The following CCDC178 variants were observed in gnomAD, a reference collection of about 807,000 sequenced individuals.
CCDC178 encodes the protein coiled-coil domain-containing protein 178.
CCDC178 carries 126 observed loss-of-function variants against 117.4 expected under a neutral mutation model. That is an observed-to-expected ratio of 1.07 (90% CI 0.93 to 1.24). The LOEUF is 1.24. CCDC178 is among the 50% of genes most tolerant of loss of function. The probability of loss-of-function intolerance (pLI) is 0.00; values close to 1 mark genes in which losing one functional copy is unlikely to be tolerated. For synonymous variants in CCDC178, 283 were observed against 313.4 expected (o/e 0.90, Z 1.02); for missense variants, 1,030 against 986.9 (o/e 1.04, Z -0.59).
Position 33,215,566 on chromosome 18 carries a change from T to G in CCDC178, c.2062A>C (p.Thr688Pro). The change falls in exon 19 of 23, where the codon ACA becomes CCA. Residue 688 changes from threonine to proline, a missense_variant. Coordinates refer to ENST00000383096, the MANE Select transcript of CCDC178 (RefSeq NM_001105528.4). ...AGTACTTACTTTAATATTTCAAGTG[T>G]CTGATCAAAACTTTTCTTTTCTTCT... The part of the protein sequence containing the change: ...KEEEKKSFDQ[T>P]LEILKNKFIT... 1.4e-6 allele frequency: 2 copies of G among 1,429,820 alleles called. No homozygotes were observed. The highest frequency in any genetic ancestry group is 9.3e-7 in the Non-Finnish European group (1 of 1,071,406). 88.6% of individuals were successfully genotyped at this position (1,429,820 alleles called of 1,614,324 possible). A position where few individuals can be genotyped will look rare whatever the true frequency, so the allele number is the denominator to read the frequency against.
At chr18:32,980,757 T>C (rs1293478896) in intron 21 of CCDC178, among the ~76,000 whole-genome samples, 1 of 152,132 alleles carries the variant, frequency 6.6e-6, no homozygotes, top group East Asian at 1.9e-4. Context: ...TTCAAACTCA[T>C]CATATTGTCA....
rs2054992927 is a variant in CCDC178, at chr18:32,974,540, C to T, written c.2523+7G>A. On this transcript the variant is annotated splice_region_variant and intron_variant, in intron 22 of 22. Coordinates refer to ENST00000383096, the MANE Select transcript of CCDC178 (RefSeq NM_001105528.4). ...ATGATCTTTCCTACTTCCCTGCAATCACCTACCTGCACAGCTAATATTTTC... is the reference window on the plus strand; with the variant it reads ...ATGATCTTTCCTACTTCCCTGCAATTACCTACCTGCACAGCTAATATTTTC... 4.3e-6 allele frequency: 7 copies of T among 1,612,862 alleles called. No individual in the cohort carries two copies. The highest frequency in any genetic ancestry group is 5.9e-6 in the Non-Finnish European group (7 of 1,179,494).
At chr18:33,073,301 G>A (rs1408808560) in intron 21 of CCDC178, among the ~76,000 whole-genome samples, 1 of 151,654 alleles carries the variant, frequency 6.6e-6, no homozygotes, top group African/African-American at 2.4e-5. Flanking sequence ...ATACAAAGTG[G>A]GAATCATATA....
At chr18:33,035,763 T>C (rs552820481) in intron 21 of CCDC178, among the ~76,000 whole-genome samples, 2 of 152,116 alleles carry the variant, frequency 1.3e-5, no homozygotes, top group South Asian at 4.1e-4. Flanking sequence ...AGTATTAATA[T>C]ATCAAATCAT....
At chr18:33,150,558 C>T (rs2058329561) in intron 20 of CCDC178, among the ~76,000 whole-genome samples, 1 of 152,010 alleles carries the variant, frequency 6.6e-6, no homozygotes, top group African/African-American at 2.4e-5. Flanking sequence ...AAAAAGTGGT[C>T]AAAGGACATG....
chr18:33,062,868 A>G (rs1002828232), intron 21 of CCDC178, among the ~76,000 whole-genome samples: 2 of 148,328 alleles, frequency 1.3e-5, no homozygotes, highest in Admixed American at 1.3e-4. Context: ...CTAGATGCCG[A>G]AGTGTCACAA....
chr18:33,302,734 C>A (rs79505134), intron 11 of CCDC178, among the ~76,000 whole-genome samples: 52 of 152,214 alleles, frequency 3.4e-4, no homozygotes, highest in African/African-American at 1.2e-3. Context: ...GTGAATATTA[C>A]GTTAATGAAA....
At chr18:33,316,383 G>C (rs947695332) in intron 11 of CCDC178, among the ~76,000 whole-genome samples, 1 of 152,172 alleles carries the variant, frequency 6.6e-6, no homozygotes. Flanking sequence ...TGCTGCGCTC[G>C]ATTTCTCCCC....
chr18:33,120,853 A>G (rs140352481), intron 20 of CCDC178, among the ~76,000 whole-genome samples: 1 of 152,196 alleles, frequency 6.6e-6, no homozygotes, highest in African/African-American at 2.4e-5. Context: ...GATATTAAAC[A>G]AGAAGAATGA....
intron 21 of CCDC178, among the ~76,000 whole-genome samples, chr18:32,989,117 G>T (rs1348558802): frequency 6.6e-6 from 1 of 152,004 alleles, no homozygotes; most frequent in African/African-American, 2.4e-5. Context: ...TATTCTAGAA[G>T]TCAAGCAAAA....
chr18:33,004,442 A>C (rs921730619), intron 21 of CCDC178, among the ~76,000 whole-genome samples: 1 of 152,140 alleles, frequency 6.6e-6, no homozygotes, highest in African/African-American at 2.4e-5. Flanking sequence ...ATGCAGAAGA[A>C]TGAAACAAGA....
chr18:33,084,638 C>A (rs565305253), intron 21 of CCDC178, among the ~76,000 whole-genome samples: 1 of 151,580 alleles, frequency 6.6e-6, no homozygotes, highest in African/African-American at 2.4e-5. Flanking sequence ...TACTGAAACC[C>A]CGTCTCTATT....
At chr18:33,090,801 G>A (rs143058427) in intron 21 of CCDC178, among the ~76,000 whole-genome samples, 32 of 152,272 alleles carry the variant, frequency 2.1e-4, no homozygotes, top group East Asian at 1.9e-3. Flanking sequence ...AAAGTGATTC[G>A]TTTGAGGGAT....
intron 11 of CCDC178, among the ~76,000 whole-genome samples, chr18:33,305,279 T>G (rs2062233283): frequency 6.6e-6 from 1 of 152,074 alleles, no homozygotes; most frequent in African/African-American, 2.4e-5. Flanking sequence ...GGGATCAGCT[T>G]TGGAAAAGGT....
intron 20 of CCDC178, among the ~76,000 whole-genome samples, chr18:33,200,340 C>T (rs1228823223): frequency 6.6e-6 from 1 of 152,180 alleles, no homozygotes; most frequent in Non-Finnish European, 1.5e-5. Context: ...TTTCAGTCTA[C>T]CAATAGCCTG....
At chr18:33,277,399 C>G (rs1183907580) in intron 12 of CCDC178, among the ~76,000 whole-genome samples, 3 of 152,026 alleles carry the variant, frequency 2.0e-5, no homozygotes, top group African/African-American at 7.2e-5. Flanking sequence ...TATGAGGAAA[C>G]CCTTTAAAAA....
intron 20 of CCDC178, among the ~76,000 whole-genome samples, chr18:33,161,548 T>A (rs1318295188): frequency 6.6e-6 from 1 of 152,176 alleles, no homozygotes; most frequent in East Asian, 1.9e-4. Context: ...GTTTGCAATT[T>A]GAATTGCCTC....
chr18:33,252,767 A>G (rs903777637), intron 14 of CCDC178, among the ~76,000 whole-genome samples: 1 of 151,812 alleles, frequency 6.6e-6, no homozygotes, highest in Admixed American at 6.6e-5. Flanking sequence ...TATATTATTC[A>G]ATAGCTTTTT....
At chr18:33,055,658 C>T (rs1490442282) in intron 21 of CCDC178, among the ~76,000 whole-genome samples, 1 of 152,096 alleles carries the variant, frequency 6.6e-6, no homozygotes, top group East Asian at 1.9e-4. Context: ...TGTTCTCTAA[C>T]ACTTAACATG....
Sources: gnomAD v4.1 joint callset for allele counts (sites outside exome capture counted in the v4.1 genomes callset) on GRCh38, gnomAD v4.1.1 for gene constraint, MANE v1.5 for transcripts, NCBI Gene and HGNC (gene_info 2026-07-23, HGNC 2026-07-21) for gene names.